The following SLC1A2 variants were observed in gnomAD, a reference collection of about 807,000 sequenced individuals.
SLC1A2 encodes the protein solute carrier family 1 member 2, also known as excitatory amino acid transporter 2.
SLC1A2 carries 15 observed loss-of-function variants against 48.8 expected under a neutral mutation model. The observed-to-expected ratio is 0.31, with a 90% CI of 0.21 to 0.47. SLC1A2 has a LOEUF of 0.47. Ranked by LOEUF, SLC1A2 falls within the 20% of genes least tolerant of loss-of-function variation. SLC1A2 has a pLI of 0.99. For missense variants in SLC1A2, 502 were observed against 730.5 expected, an observed-to-expected ratio of 0.69 and a Z score of 3.61; for synonymous variants, 279 against 272.6, an observed-to-expected ratio of 1.02 and a Z score of -0.23.
chr11:35,302,747 C>G (rs1363848522), intron 5 of SLC1A2, among the ~76,000 whole-genome samples: 1 of 151,800 alleles, frequency 6.6e-6, no homozygotes, highest in Non-Finnish European at 1.5e-5. Flanking sequence ...CACGCTCAGG[C>G]CTGCAGTCTC....
Position 35,280,783 on chromosome 11 carries a change from G to A in SLC1A2, c.1421+84C>T. On this transcript the variant is annotated intron_variant, in intron 9 of 10. Coordinates refer to ENST00000278379, the MANE Select transcript of SLC1A2 (RefSeq NM_004171.4). ...GGGAGTTGCCATGGGGATTAGCTAA[G>A]ATCTTGGTTGCAACCTTGCCACCTG... is the stretch of plus-strand genomic sequence containing the variant. 3 of 892,150 alleles carry A rather than the reference G, an allele frequency of 3.4e-6. No individual in the cohort carries two copies. The South Asian group carries it at 5.7e-5, about 17-fold the overall frequency. 55.3% of individuals were successfully genotyped at this position (892,150 alleles called of 1,614,324 possible). A position where few individuals can be genotyped will look rare whatever the true frequency, so the allele number is the denominator to read the frequency against.
In SLC1A2 at chr11:35,257,564, T is replaced by A. The variant is rs184572979; in HGVS notation, c.*3330A>T. 1 of 152,322 alleles carries A rather than the reference T, an allele frequency of 6.6e-6. No homozygotes were observed. The highest frequency in any genetic ancestry group is 1.9e-4 in the East Asian group (1 of 5,184). The allele number at this position is 152,322 out of a possible 1,614,324, so 9.4% of individuals were successfully genotyped here. Reference sequence around the variant, plus strand: ...ATTGCCCTGATTTTCTGATGCTCTTTGTATGGGAAGCATGCCCTCAAAGAT... The same window carrying A: ...ATTGCCCTGATTTTCTGATGCTCTTAGTATGGGAAGCATGCCCTCAAAGAT... On this transcript the variant is annotated 3_prime_UTR_variant, in exon 11 of 11. Transcript: ENST00000278379.
At chr11:35,268,101 T>C (rs1253668603) in intron 9 of SLC1A2, among the ~76,000 whole-genome samples, 2 of 152,198 alleles carry the variant, frequency 1.3e-5, no homozygotes, top group Admixed American at 6.5e-5. Context: ...TGATTCCATG[T>C]TTTTTTCTTC....
In SLC1A2 at chr11:35,256,173, C is replaced by T. The variant is rs1208234016; in HGVS notation, c.*4721G>A. On this transcript the variant is annotated 3_prime_UTR_variant, in exon 11 of 11. Coordinates refer to ENST00000278379, the MANE Select transcript of SLC1A2 (RefSeq NM_004171.4). ...AGCTAAAAATGGGCAGAGTCTAAAT[C>T]AAATGTTCCCTCTACCAAACCATGT... The T allele has an allele frequency of 6.6e-6, 1 of 152,204 alleles. No homozygotes were observed. The highest frequency in any genetic ancestry group is 2.4e-5 in the African/African-American group (1 of 41,452). 9.4% of individuals were successfully genotyped at this position (152,204 alleles called of 1,614,324 possible).
At chr11:35,352,990 T>A (rs1853318631) in intron 1 of SLC1A2, among the ~76,000 whole-genome samples, 1 of 152,236 alleles carries the variant, frequency 6.6e-6, no homozygotes, top group Non-Finnish European at 1.5e-5. Context: ...GCAATAATCA[T>A]TTCAAGACCG....
chr11:35,251,967 C>A lies in SLC1A2; in HGVS notation c.*8927G>T, dbSNP rs1950245315. 6.6e-6 allele frequency: 1 copy of A among 152,456 alleles called. No homozygotes were observed. The highest frequency in any genetic ancestry group is 1.5e-5 in the Non-Finnish European group (1 of 68,006). The allele number at this position is 152,456 out of a possible 1,614,324, so 9.4% of individuals were successfully genotyped here. On this transcript the variant is annotated 3_prime_UTR_variant, in exon 11 of 11. Transcript: ENST00000278379. ...AACTGTAAACTTGCATTAGTTAATC[C>A]CATCTTCAATCATTCAAAACATGCA...
At chr11:35,306,730 C>T (rs1851523689) in intron 4 of SLC1A2, among the ~76,000 whole-genome samples, 1 of 152,172 alleles carries the variant, frequency 6.6e-6, no homozygotes, top group South Asian at 2.1e-4. Context: ...TATTTTTCCA[C>T]TATTTTTCCA....
intron 5 of SLC1A2, among the ~76,000 whole-genome samples, chr11:35,305,161 C>A (rs1220013827): frequency 3.3e-5 from 5 of 152,318 alleles, no homozygotes; most frequent in African/African-American, 1.2e-4. Context: ...GGAGTGGACC[C>A]ACTGAGTGGG....
At chr11:35,397,502 T>G (rs1431153915) in intron 1 of SLC1A2, among the ~76,000 whole-genome samples, 1 of 150,936 alleles carries the variant, frequency 6.6e-6, no homozygotes. Context: ...CTGGATCCCT[T>G]CCTTACACCT....
intron 1 of SLC1A2, among the ~76,000 whole-genome samples, chr11:35,358,626 T>C (rs1853565780): frequency 6.6e-6 from 1 of 152,348 alleles, no homozygotes; most frequent in East Asian, 1.9e-4. Context: ...TTCTGTTTCA[T>C]TTGACTTCTT....
At chr11:35,370,921 T>C (rs1854037668) in intron 1 of SLC1A2, 1 of 978,986 alleles carries the variant, frequency 1.0e-6, no homozygotes, top group Non-Finnish European at 1.2e-6. Flanking sequence ...CAAGAATACA[T>C]GAAATATATG....
chr11:35,270,476 T>C (rs1269393829), intron 9 of SLC1A2, among the ~76,000 whole-genome samples: 1 of 152,254 alleles, frequency 6.6e-6, no homozygotes, highest in African/African-American at 2.4e-5. Context: ...TTAGTGAATT[T>C]ATTTATTCAA....
At chr11:35,351,828 G>A (rs1853267497) in intron 1 of SLC1A2, among the ~76,000 whole-genome samples, 1 of 151,948 alleles carries the variant, frequency 6.6e-6, no homozygotes, top group African/African-American at 2.4e-5. Flanking sequence ...TAGAGACGGG[G>A]TTTCACCATA....
At chr11:35,411,541 C>T (rs1855461032) in intron 1 of SLC1A2, among the ~76,000 whole-genome samples, 1 of 152,154 alleles carries the variant, frequency 6.6e-6, no homozygotes, top group Admixed American at 6.6e-5. Context: ...CTGCAGCCCC[C>T]AACTCCCACG....
intron 1 of SLC1A2, among the ~76,000 whole-genome samples, chr11:35,320,565 T>C (rs970673469): frequency 1.3e-5 from 2 of 152,230 alleles, no homozygotes; most frequent in African/African-American, 2.4e-5. Flanking sequence ...CACCAGTCTA[T>C]GAGCCCCAGG....
intron 1 of SLC1A2, among the ~76,000 whole-genome samples, chr11:35,349,406 C>G (rs994879750): frequency 3.9e-5 from 6 of 152,310 alleles, no homozygotes; most frequent in African/African-American, 1.4e-4. Context: ...TAGAGACCAA[C>G]AAACCTTGTC....
At chr11:35,382,704 G>A (rs913112874) in intron 1 of SLC1A2, among the ~76,000 whole-genome samples, 2 of 152,070 alleles carry the variant, frequency 1.3e-5, no homozygotes, top group Non-Finnish European at 1.5e-5. Flanking sequence ...GCTGAGGCAG[G>A]AGAATCACTT....
intron 1 of SLC1A2, among the ~76,000 whole-genome samples, chr11:35,334,813 AATTTTGTTTTGTTTTGTTTT>A (rs1417173068): frequency 7.0e-6 from 1 of 141,850 alleles, no homozygotes; most frequent in Non-Finnish European, 1.5e-5. Context: ...GCTGGAGAGC[AATTTTGTTTTGTTTTGTTTT>A]GTTTTGTTTT....
At chr11:35,340,810 T>C (rs11033080) in intron 1 of SLC1A2, among the ~76,000 whole-genome samples, 31,012 of 152,098 alleles carry the variant, frequency 0.2, 3,349 homozygotes, top group Middle Eastern at 0.27. Flanking sequence ...GTGCAGACAC[T>C]GAAGTGAGAC....
Sources: gnomAD v4.1 joint callset for allele counts (sites outside exome capture counted in the v4.1 genomes callset) on GRCh38, gnomAD v4.1.1 for gene constraint, MANE v1.5 for transcripts, NCBI Gene and HGNC (gene_info 2026-07-23, HGNC 2026-07-21) for gene names.